Variants in PAX5 observed in about 807,000 individuals in gnomAD.
PAX5 encodes the protein paired box 5.
A neutral mutation model predicts 43.7 loss-of-function variants in PAX5; 9 were observed. That is an observed-to-expected ratio of 0.21 (90% CI 0.12 to 0.36). The LOEUF is 0.36. Ranked by LOEUF, PAX5 falls within the 10% of genes least tolerant of loss-of-function variation. The pLI, the probability that PAX5 is intolerant of heterozygous loss-of-function variation, is 1.00. For synonymous variants in PAX5, 228 were observed against 214.3 expected, an observed-to-expected ratio of 1.06 and a Z score of -0.56; for missense variants, 383 against 532.7, an observed-to-expected ratio of 0.72 and a Z score of 2.77.
Position 37,034,098 on chromosome 9 carries a change from C to CTTTCTTTTTTT in PAX5, c.-68_-67insAAAAAAAGAAA, listed in dbSNP as rs1841297179. 1.6e-5 allele frequency: 5 copies of CTTTCTTTTTTT among 320,070 alleles called. No individual in the cohort carries two copies. The African/African-American group carries it at 2.2e-4, about 14-fold the overall frequency. The allele number at this position is 320,070 out of a possible 1,614,324, so 19.8% of individuals were successfully genotyped here. Reference sequence around the variant, plus strand: ...TCCACTTTTTTGTGCCTTTTTTTTTCTTTTTTTTTTTTTTTTTTTTTTTTT... The same window carrying CTTTCTTTTTTT: ...TCCACTTTTTTGTGCCTTTTTTTTTCTTTCTTTTTTTTTTTTTTTTTTTTTTTTTTTTTTTT... On this transcript the variant is annotated 5_prime_UTR_variant, in exon 1 of 10. Transcript: ENST00000358127.
At chr9:37,005,821 A>G (rs1053188964) in intron 4 of PAX5, among the ~76,000 whole-genome samples, 1 of 152,220 alleles carries the variant, frequency 6.6e-6, no homozygotes, top group Non-Finnish European at 1.5e-5. Context: ...CACCTTAAAT[A>G]GACACATGTC....
chr9:36,931,301 C>G (rs2132013131), intron 6 of PAX5, among the ~76,000 whole-genome samples: 1 of 152,354 alleles, frequency 6.6e-6, no homozygotes, highest in African/African-American at 2.4e-5. Context: ...CCTCCTTTCA[C>G]TGGCCTCTGC....
chr9:36,914,557 A>G (rs1317090199), intron 7 of PAX5, among the ~76,000 whole-genome samples: 3 of 152,242 alleles, frequency 2.0e-5, no homozygotes, highest in Non-Finnish European at 4.4e-5. Context: ...TTAATTATAC[A>G]TAACTTTGCT....
intron 6 of PAX5, among the ~76,000 whole-genome samples, chr9:36,951,072 C>T (rs1348293653): frequency 2.0e-5 from 3 of 152,142 alleles, no homozygotes; most frequent in Non-Finnish European, 4.4e-5. Flanking sequence ...GTTCCACTTC[C>T]TCTACAAGTT....
intron 8 of PAX5, among the ~76,000 whole-genome samples, chr9:36,854,228 C>G (rs1156258881): frequency 6.6e-6 from 1 of 152,190 alleles, no homozygotes; most frequent in Non-Finnish European, 1.5e-5. Flanking sequence ...GGCGGCTACC[C>G]GGGATGTTGC....
chr9:36,881,934 G>T (rs973843299), intron 8 of PAX5, 70 bp downstream of exon 8: 10 of 1,091,940 alleles, frequency 9.2e-6, no homozygotes, highest in African/African-American at 1.6e-5. Flanking sequence ...CAGGCTGTTT[G>T]GGGGGGGATG....
chr9:36,886,601 C>T (rs1314303544), intron 7 of PAX5, among the ~76,000 whole-genome samples: 3 of 152,216 alleles, frequency 2.0e-5, no homozygotes, highest in African/African-American at 7.2e-5. Context: ...AGCTCTAATT[C>T]AAGCCTCTGG....
intron 2 of PAX5, among the ~76,000 whole-genome samples, chr9:37,020,061 C>A (rs1386061431): frequency 2.0e-5 from 3 of 150,676 alleles, no homozygotes; most frequent in African/African-American, 7.3e-5. Flanking sequence ...GGTCAAGTGG[C>A]AACTTTCAAA....
chr9:36,866,883 C>T (rs1459586930), intron 8 of PAX5, among the ~76,000 whole-genome samples: 2 of 149,038 alleles, frequency 1.3e-5, no homozygotes, highest in Non-Finnish European at 3.0e-5. Context: ...ACAACACGCT[C>T]CACACAGGCA....
chr9:36,838,425 G>C lies in PAX5; in HGVS notation c.*2135C>G, dbSNP rs1587713628. 2 of 232,574 alleles carry C rather than the reference G, an allele frequency of 8.6e-6. No individual in the cohort carries two copies. The highest frequency in any genetic ancestry group is 1.2e-4 in the East Asian group (2 of 16,488). 14.4% of individuals were successfully genotyped at this position (232,574 alleles called of 1,614,324 possible). On this transcript the variant is annotated 3_prime_UTR_variant, in exon 10 of 10. Transcript: ENST00000358127. ...CCGAGTCCCAGCCCCACCCCCACCA[G>C]TCACTGCTTGAGGACTCCACCTTGC...
chr9:36,871,631 G>A (rs1262110651), intron 8 of PAX5, among the ~76,000 whole-genome samples: 2 of 152,054 alleles, frequency 1.3e-5, no homozygotes, highest in Non-Finnish European at 2.9e-5. Context: ...ACCATTAGTA[G>A]AAGGACATCA....
chr9:36,881,476 C>G (rs945670451), intron 8 of PAX5, among the ~76,000 whole-genome samples: 20 of 152,116 alleles, frequency 1.3e-4, no homozygotes, highest in Non-Finnish European at 4.4e-5. Flanking sequence ...AATCACCGGC[C>G]TGGGGGGATC....
chr9:36,946,895 G>A (rs1832571023), intron 6 of PAX5, among the ~76,000 whole-genome samples: 1 of 152,142 alleles, frequency 6.6e-6, no homozygotes, highest in Admixed American at 6.5e-5. Flanking sequence ...AGTGTAAAAT[G>A]ATGACTCAGC....
chr9:37,014,000 C>G (rs1465626798), intron 3 of PAX5, among the ~76,000 whole-genome samples: 2 of 152,198 alleles, frequency 1.3e-5, no homozygotes, highest in African/African-American at 4.8e-5. Context: ...CACACAAGCT[C>G]TGCACTGATG....
intron 8 of PAX5, among the ~76,000 whole-genome samples, chr9:36,865,528 G>C (rs533859271): frequency 4.6e-5 from 7 of 152,180 alleles, no homozygotes; most frequent in Non-Finnish European, 8.8e-5. Flanking sequence ...AAGGGAGGAA[G>C]GGAAGAGAGG....
At chr9:37,028,601 C>A (rs1047317539) in intron 1 of PAX5, among the ~76,000 whole-genome samples, 1 of 152,230 alleles carries the variant, frequency 6.6e-6, no homozygotes, top group African/African-American at 2.4e-5. Context: ...GCTTTGGGAG[C>A]TGGTGTTGCG....
intron 7 of PAX5, among the ~76,000 whole-genome samples, chr9:36,888,131 A>C (rs1250851155): frequency 1.3e-5 from 2 of 152,246 alleles, no homozygotes; most frequent in African/African-American, 4.8e-5. Context: ...TGTCACAATC[A>C]TTGGCAAAGA....
intron 6 of PAX5, among the ~76,000 whole-genome samples, chr9:36,962,583 G>T (rs117493137): frequency 1.3e-5 from 2 of 152,130 alleles, no homozygotes. Flanking sequence ...GTTCGGTTTC[G>T]GCTGCTGCAG....
At chr9:37,020,836 G>T (rs752082351) in intron 1 of PAX5, 35 bp from the exon 2 acceptor site, 1 of 1,610,570 alleles carries the variant, frequency 6.2e-7, no homozygotes, top group South Asian at 1.1e-5. Context: ...AAAGGGAAAG[G>T]GTAGTTAGAA....
Sources: allele counts gnomAD v4.1 joint callset (sites outside exome capture counted in the v4.1 genomes callset), GRCh38; gene constraint gnomAD v4.1.1; transcripts MANE v1.5; gene names NCBI Gene and HGNC (gene_info 2026-07-23, HGNC 2026-07-21).